The following TLK1 variants were observed in gnomAD, a reference collection of about 807,000 sequenced individuals.
The protein encoded by TLK1 is tousled like kinase 1, also known as serine/threonine-protein kinase tousled-like 1.
A neutral mutation model predicts 105.3 loss-of-function variants in TLK1; 24 were observed. The observed-to-expected ratio is 0.23, with a 90% CI of 0.17 to 0.32. TLK1 has a LOEUF of 0.32. Among genes scored for constraint, TLK1 ranks in the 10% least tolerant of loss-of-function variants. The probability of loss-of-function intolerance (pLI) is 1.00; values close to 1 mark genes in which losing one functional copy is unlikely to be tolerated. For missense variants in TLK1, 558 were observed against 910.5 expected (o/e 0.61, Z 4.98); for synonymous variants, 321 against 310.4 (o/e 1.03, Z -0.36).
chr2:171,136,988 C>CACACAA (rs1691352776), intron 1 of TLK1, among the ~76,000 whole-genome samples: 1 of 152,172 alleles, frequency 6.6e-6, no homozygotes, highest in Non-Finnish European at 1.5e-5. Flanking sequence ...TGCACTTTAC[C>CACACAA]ACACAAACAC....
chr2:171,200,471 C>T (rs986116052), intron 1 of TLK1, among the ~76,000 whole-genome samples: 5 of 152,244 alleles, frequency 3.3e-5, no homozygotes, highest in South Asian at 2.1e-4. Context: ...ACAGTCTTGC[C>T]GCAATGTATT....
chr2:171,072,929 GAAA>G (rs11387073), intron 3 of TLK1, among the ~76,000 whole-genome samples: 3 of 123,520 alleles, frequency 2.4e-5, no homozygotes, highest in African/African-American at 3.1e-5. Flanking sequence ...ACTCTGTCTC[GAAA>G]AAAAAAAAAA....
intron 2 of TLK1, among the ~76,000 whole-genome samples, chr2:171,086,495 G>A (rs752753824): frequency 2.0e-4 from 31 of 152,150 alleles, no homozygotes; most frequent in Admixed American, 5.2e-4. Context: ...GCGTCATGGC[G>A]CATGCCTGTA....
chr2:171,050,450 C>A (rs1409104723), intron 8 of TLK1, among the ~76,000 whole-genome samples: 1 of 152,064 alleles, frequency 6.6e-6, no homozygotes, highest in East Asian at 1.9e-4. Context: ...GTTATAAGAA[C>A]TTTAGTTCAG....
intron 1 of TLK1, among the ~76,000 whole-genome samples, chr2:171,201,157 T>C (rs1693391054): frequency 6.6e-6 from 1 of 152,156 alleles, no homozygotes; most frequent in Non-Finnish European, 1.5e-5. Context: ...GTGCTGGGAT[T>C]ACAGATGTGA....
At position 171,082,793 on chromosome 2, in the gene TLK1, G is replaced by A. The variant is rs1167099277; in HGVS notation, c.318C>T (p.Asp106=). 1.9e-6 allele frequency: 3 copies of A among 1,607,206 alleles called. No individual in the cohort carries two copies. The highest frequency in any genetic ancestry group is 1.3e-5 in the African/African-American group (1 of 74,678). Reference sequence around the variant, plus strand: ...TGAAATTACTTACCTCTGATTCTTTGTCACTTAAAGATCCCAAGCTTCCAA... The same window carrying A: ...TGAAATTACTTACCTCTGATTCTTTATCACTTAAAGATCCCAAGCTTCCAA... ...HSFGSLGSLS[D]KESETPEKKQ... The change falls in exon 3 of 21, where the codon GAC becomes GAT. Residue 106 remains aspartate (D), a synonymous_variant. Transcript: ENST00000431350.
At chr2:171,084,478 C>A (rs1352254095) in intron 2 of TLK1, among the ~76,000 whole-genome samples, 1 of 152,158 alleles carries the variant, frequency 6.6e-6, no homozygotes, top group African/African-American at 2.4e-5. Context: ...GCCTAGCAAT[C>A]TCAGAAAGCA....
intron 2 of TLK1, among the ~76,000 whole-genome samples, chr2:171,100,162 A>G (rs1424080777): frequency 3.3e-5 from 5 of 152,226 alleles, no homozygotes; most frequent in Non-Finnish European, 1.5e-5. Context: ...GATGCTCATC[A>G]GTCATTAGGG....
At chr2:171,098,549 A>G (rs982663085) in intron 2 of TLK1, among the ~76,000 whole-genome samples, 2 of 152,220 alleles carry the variant, frequency 1.3e-5, no homozygotes, top group Non-Finnish European at 2.9e-5. Context: ...ATTCCACCAA[A>G]TATGTAAAGC....
intron 3 of TLK1, chr2:171,066,946 A>G: frequency 6.5e-7 from 1 of 1,543,666 alleles, no homozygotes; most frequent in Non-Finnish European, 8.7e-7. Flanking sequence ...TATTCTGGAA[A>G]TGTTGGCATT....
intron 12 of TLK1, among the ~76,000 whole-genome samples, chr2:171,023,539 T>G (rs1685631886): frequency 6.6e-6 from 1 of 152,006 alleles, no homozygotes; most frequent in South Asian, 2.1e-4. Flanking sequence ...ATCAAATATT[T>G]AAAATCAAGA....
chr2:171,215,826 T>C (rs1410328087), intron 1 of TLK1, among the ~76,000 whole-genome samples: 1 of 152,136 alleles, frequency 6.6e-6, no homozygotes, highest in Non-Finnish European at 1.5e-5. Flanking sequence ...CCCCAGCGGG[T>C]ACATGCACGC....
chr2:171,103,650 A>G (rs1354172426), intron 2 of TLK1, among the ~76,000 whole-genome samples: 13 of 152,192 alleles, frequency 8.5e-5, no homozygotes, highest in Non-Finnish European at 5.9e-5. Context: ...TCTTGTTAAC[A>G]GCCTGTAGAT....
chr2:171,178,622 G>T (rs1038023162), intron 1 of TLK1, among the ~76,000 whole-genome samples: 4 of 152,186 alleles, frequency 2.6e-5, no homozygotes, highest in African/African-American at 4.8e-5. Context: ...GACATATCAA[G>T]CAAAACATTA....
intron 14 of TLK1, among the ~76,000 whole-genome samples, chr2:171,010,836 T>C (rs1291159511): frequency 6.6e-6 from 1 of 152,178 alleles, no homozygotes; most frequent in Non-Finnish European, 1.5e-5. Context: ...TTGATTTAAA[T>C]AGCTGTTACT....
chr2:171,060,016 T>G, intron 4 of TLK1: 3 of 1,611,548 alleles, frequency 1.9e-6, no homozygotes, highest in Non-Finnish European at 2.5e-6. Flanking sequence ...AGGTCTGCTT[T>G]GGACTTGAAG....
intron 3 of TLK1, among the ~76,000 whole-genome samples, chr2:171,061,925 T>C (rs550999062): frequency 6.6e-6 from 1 of 152,372 alleles, no homozygotes; most frequent in South Asian, 2.1e-4. Context: ...TAGCTGCTTT[T>C]ACATTACAAC....
chr2:171,140,669 T>C (rs940155044), intron 1 of TLK1, among the ~76,000 whole-genome samples: 5 of 152,204 alleles, frequency 3.3e-5, no homozygotes, highest in African/African-American at 1.2e-4. Flanking sequence ...CAAAATTAAA[T>C]GTAAATTTTA....
At chr2:171,011,301 G>A (rs1034160468) in intron 14 of TLK1, 72 bp downstream of exon 14, 1 of 1,302,226 alleles carries the variant, frequency 7.7e-7, no homozygotes, top group Non-Finnish European at 1.0e-6. Flanking sequence ...GACAACGTAA[G>A]TACTTCTTAA....
Sources: gnomAD v4.1 joint callset for allele counts (sites outside exome capture counted in the v4.1 genomes callset) on GRCh38, gnomAD v4.1.1 for gene constraint, MANE v1.5 for transcripts, NCBI Gene and HGNC (gene_info 2026-07-23, HGNC 2026-07-21) for gene names.